IFT122: variants seen among roughly 807,000 people sequenced by gnomAD.
IFT122 encodes intraflagellar transport 122, also known as intraflagellar transport protein 122 homolog.
In IFT122, 118 loss-of-function variants were observed where a neutral mutation model predicts 161.6. That is an observed-to-expected ratio of 0.73 (90% CI 0.63 to 0.85). The LOEUF is 0.85. Among genes scored for constraint, IFT122 ranks in the 40% least tolerant of loss-of-function variants. The probability of loss-of-function intolerance (pLI) is 0.00; values close to 1 mark genes in which losing one functional copy is unlikely to be tolerated. For synonymous variants in IFT122, 550 were observed against 602.4 expected, an observed-to-expected ratio of 0.91 and a Z score of 1.27; for missense variants, 1,381 against 1,579.6, an observed-to-expected ratio of 0.87 and a Z score of 2.13.
intron 19 of IFT122, 143 bp downstream of exon 19, chr3:129,500,211 T>G (rs1577964713): frequency 9.9e-7 from 1 of 1,015,092 alleles, no homozygotes. Flanking sequence ...GACACAGAGA[T>G]TGCACAAGGC....
At chr3:129,505,392 C>T (rs1000989570) in intron 21 of IFT122, among the ~76,000 whole-genome samples, 1 of 152,198 alleles carries the variant, frequency 6.6e-6, no homozygotes, top group African/African-American at 2.4e-5. Context: ...CTGTTGGAGC[C>T]CCTCAACCGA....
intron 1 of IFT122, among the ~76,000 whole-genome samples, chr3:129,448,000 T>A (rs1347164353): frequency 6.6e-6 from 1 of 152,150 alleles, no homozygotes; most frequent in African/African-American, 2.4e-5. Context: ...GTTTTACACT[T>A]GTTATTTCTC....
chr3:129,492,342 G>A (rs2080230737), intron 17 of IFT122, 148 bp downstream of exon 17: 1 of 750,342 alleles, frequency 1.3e-6, no homozygotes, highest in Non-Finnish European at 2.4e-6. Flanking sequence ...TGCTCCGGGG[G>A]CAGAGTGGCC....
At position 129,479,814 on chromosome 3, in the gene IFT122, C is replaced by T. The variant is rs142641511; in HGVS notation, c.1380C>T (p.Ser460=). 214 of 1,613,908 alleles carry T rather than the reference C, an allele frequency of 1.3e-4. No individual in the cohort carries two copies. In the Middle Eastern group the frequency reaches 1.5e-3, roughly 11 times the overall value. Residue 460 remains serine (S), a synonymous_variant, in exon 13 of 30, where the codon AGC becomes AGT. Coordinates refer to ENST00000348417, the MANE Select transcript of IFT122 (RefSeq NM_052989.3). ...AACGGCTGCAGTGCCTGTCCTTCAG[C>T]GGAGTGAAGGAGCGGGAGTGGCAGA... ...QEKRLQCLSF[S]GVKEREWQME... is the part of the protein sequence containing the mutation.
At chr3:129,498,566 T>G (rs1463841819) in intron 18 of IFT122, among the ~76,000 whole-genome samples, 1 of 152,186 alleles carries the variant, frequency 6.6e-6, no homozygotes, top group Admixed American at 6.5e-5. Context: ...GGGTATACAA[T>G]GCGCTTTCCT....
chr3:129,441,226 C>G (rs1200699282), intron 1 of IFT122, among the ~76,000 whole-genome samples: 1 of 152,182 alleles, frequency 6.6e-6, no homozygotes, highest in Non-Finnish European at 1.5e-5. Flanking sequence ...TCTGTTCTGG[C>G]CACTGGAGCA....
intron 15 of IFT122, chr3:129,487,433 A>C (rs1387390789): frequency 6.6e-6 from 1 of 152,316 alleles, no homozygotes. Context: ...CCAGGGAGAA[A>C]TAATACCTAC....
chr3:129,519,762 G>A, intron 29 of IFT122, 30 bp downstream of exon 29: 1 of 1,611,926 alleles, frequency 6.2e-7, no homozygotes, highest in Non-Finnish European at 8.5e-7. Flanking sequence ...GCTCACATGT[G>A]CTTCTCTTGG....
At chr3:129,516,405 CAG>C (rs1578193326) in intron 26 of IFT122, among the ~76,000 whole-genome samples, 2 of 140,046 alleles carry the variant, frequency 1.4e-5, no homozygotes, top group Non-Finnish European at 3.1e-5. Context: ...CACACACATA[CAG>C]AGACTGCCCC....
intron 24 of IFT122, chr3:129,512,825 C>A: frequency 4.0e-6 from 1 of 250,506 alleles, no homozygotes; most frequent in Non-Finnish European, 7.9e-6. Flanking sequence ...AAGCCCTGGG[C>A]CAGGCACCAG....
rs1306065630 is a variant in IFT122 at position 129,489,709 on chromosome 3, G to C, written c.1992+1312G>C. Among the ~76,000 whole-genome samples the C allele has an allele frequency of 2.6e-5, 4 of 152,170 alleles. No individual in the cohort carries two copies. In the East Asian group the frequency reaches 7.7e-4, roughly 29 times the overall value. On this transcript the variant is annotated intron_variant, in intron 16 of 29. Coordinates refer to ENST00000348417, the MANE Select transcript of IFT122 (RefSeq NM_052989.3). ...AAAAAATTAGCCGGGCATGGTGGCA[G>C]GCGCCTGTAGTCCCAGCTACTCCGG...
At chr3:129,490,005 T>A (rs2108426523) in intron 16 of IFT122, among the ~76,000 whole-genome samples, 1 of 151,698 alleles carries the variant, frequency 6.6e-6, no homozygotes, top group African/African-American at 2.4e-5. Context: ...TTTACTGATA[T>A]TTTTATAAAT....
chr3:129,461,387 A>G (rs1362528432), intron 5 of IFT122, 83 bp downstream of exon 5: 6 of 988,234 alleles, frequency 6.1e-6, no homozygotes, highest in Non-Finnish European at 9.8e-6. Context: ...GAATATGGTG[A>G]TTTTATCCTG....
chr3:129,517,375 G>A lies in IFT122; in HGVS notation c.3266-94G>A, dbSNP rs1055521071. On this transcript the variant is annotated intron_variant, in intron 26 of 29. Coordinates refer to ENST00000348417, the MANE Select transcript of IFT122 (RefSeq NM_052989.3). The stretch of plus-strand genomic sequence containing the variant: ...CTTGCTTTTGGTGAAGCTGCCAGTG[G>A]GTTGAGAAGCAACTCTGTGGTCACC... 6 of 1,546,638 alleles carry A rather than the reference G, an allele frequency of 3.9e-6. No homozygotes were observed. In the Admixed American group the frequency reaches 1.1e-4, roughly 27 times the overall value.
chr3:129,516,717 CACACACACAG>C (rs1269951782), intron 26 of IFT122, among the ~76,000 whole-genome samples: 73 of 109,792 alleles, frequency 6.6e-4, no homozygotes, highest in Non-Finnish European at 8.9e-4. Context: ...CACACACACA[CACACACACAG>C]AGAGACTGCC....
intron 21 of IFT122, among the ~76,000 whole-genome samples, chr3:129,505,523 C>A (rs990290925): frequency 7.2e-5 from 11 of 152,204 alleles, no homozygotes; most frequent in African/African-American, 2.7e-4. Flanking sequence ...TGTGTCTGCC[C>A]TTCCAAGAAT....
chr3:129,492,251 G>C lies in IFT122; in HGVS notation c.2046+57G>C. ...AGGCATACTTGGGGTTCCTGTTTTA[G>C]GGGCAGCCCTTCTAACAGGCAAGAG... On this transcript the variant is annotated intron_variant, in intron 17 of 29. Transcript: ENST00000348417. 20 of 1,343,736 alleles carry C rather than the reference G, an allele frequency of 1.5e-5. No homozygotes were observed. The South Asian group carries it at 2.0e-4, about 13-fold the overall frequency. 83.2% of individuals were successfully genotyped at this position (1,343,736 alleles called of 1,614,324 possible). A position where few individuals can be genotyped will look rare whatever the true frequency, so the allele number is the denominator to read the frequency against.
At chr3:129,482,024 C>T (rs2078714721) in intron 14 of IFT122, among the ~76,000 whole-genome samples, 1 of 152,246 alleles carries the variant, frequency 6.6e-6, no homozygotes, top group South Asian at 2.1e-4. Flanking sequence ...CGTTGGCACT[C>T]AGTGAATGGG....
At chr3:129,503,424 G>A (rs558530542) in intron 20 of IFT122, among the ~76,000 whole-genome samples, 4 of 152,254 alleles carry the variant, frequency 2.6e-5, no homozygotes, top group South Asian at 4.2e-4. Flanking sequence ...CCAGGTCAGC[G>A]AGAAAGGTGG....
Sources: gnomAD v4.1 joint callset for allele counts (sites outside exome capture counted in the v4.1 genomes callset) on GRCh38, gnomAD v4.1.1 for gene constraint, MANE v1.5 for transcripts, NCBI Gene and HGNC (gene_info 2026-07-23, HGNC 2026-07-21) for gene names.